Variants in RANBP2 observed in about 807,000 individuals in gnomAD.
The protein encoded by RANBP2 is E3 SUMO-protein ligase RanBP2.
In RANBP2, 57 loss-of-function variants were observed where a neutral mutation model predicts 303.6. The ratio of observed to expected loss-of-function variants is 0.19; its 90% CI spans 0.15 to 0.23. The LOEUF (loss-of-function observed/expected upper bound fraction) is 0.23. Ranked by LOEUF, RANBP2 falls within the 10% of genes least tolerant of loss-of-function variation. The pLI is 1.00. For synonymous variants in RANBP2, 1,167 were observed against 1,301.5 expected (o/e 0.90, Z 2.23); for missense variants, 3,138 against 3,780.8 (o/e 0.83, Z 4.46).
the RANBP2 span, among the ~76,000 whole-genome samples, chr2:109,708,380 G>A: frequency 1.3e-5 from 2 of 151,526 alleles, no homozygotes; most frequent in East Asian, 2.0e-4. Flanking sequence ...AAATAAGGCC[G>A]AGTGTGGTGG....
chr2:109,607,849 T>C, the RANBP2 span, among the ~76,000 whole-genome samples: 1 of 152,162 alleles, frequency 6.6e-6, no homozygotes, highest in African/African-American at 2.4e-5. Context: ...ATTAGGAAAG[T>C]CACCCACTGA....
the RANBP2 span, among the ~76,000 whole-genome samples, chr2:109,576,053 T>C: frequency 2.0e-5 from 3 of 151,768 alleles, no homozygotes; most frequent in African/African-American, 4.8e-5. Flanking sequence ...GGCCAGGAGT[T>C]CAAGAACAGC....
At chr2:109,494,549 T>TA in the RANBP2 span, among the ~76,000 whole-genome samples, 1 of 152,172 alleles carries the variant, frequency 6.6e-6, no homozygotes, top group Admixed American at 6.5e-5. Flanking sequence ...GAGTAAAACT[T>TA]ACTTCCAGGC....
chr2:109,169,433 A>G, the RANBP2 span, among the ~76,000 whole-genome samples: 1 of 152,132 alleles, frequency 6.6e-6, no homozygotes, highest in Admixed American at 6.5e-5. Context: ...AACACAGCTC[A>G]GCTCCCTGTG....
At chr2:109,476,547 G>T in the RANBP2 span, among the ~76,000 whole-genome samples, 1 of 152,218 alleles carries the variant, frequency 6.6e-6, no homozygotes, top group African/African-American at 2.4e-5. Context: ...AAGGCTAAAA[G>T]ATACTGGACT....
the RANBP2 span, among the ~76,000 whole-genome samples, chr2:109,487,604 C>T: frequency 6.6e-6 from 1 of 152,238 alleles, no homozygotes; most frequent in Non-Finnish European, 1.5e-5. Flanking sequence ...CCCACCCTTT[C>T]CAAAGCAGAC....
chr2:108,776,073 T>C, intron 24 of RANBP2, 137 bp downstream of exon 24: 1 of 679,912 alleles, frequency 1.5e-6, no homozygotes, highest in Admixed American at 2.8e-5. Context: ...TTAGTAGTAG[T>C]AGTAATAATA....
the RANBP2 span, among the ~76,000 whole-genome samples, chr2:109,539,993 C>A: frequency 6.6e-6 from 1 of 152,160 alleles, no homozygotes; most frequent in Admixed American, 6.5e-5. Flanking sequence ...AACTTTTAGA[C>A]AGGTCCTGGT....
chr2:109,671,421 C>T, the RANBP2 span, among the ~76,000 whole-genome samples: 36,615 of 151,872 alleles, frequency 0.24, 4,813 homozygotes, highest in Admixed American at 0.31. Flanking sequence ...AGCAGCAAGT[C>T]TGGGGGCTGG....
chr2:109,454,871 C>T, the RANBP2 span, among the ~76,000 whole-genome samples: 1 of 152,074 alleles, frequency 6.6e-6, no homozygotes, highest in African/African-American at 2.4e-5. Flanking sequence ...GGAAAAACTG[C>T]TGCCAGTAAG....
chr2:108,877,446 A>G, the RANBP2 span, among the ~76,000 whole-genome samples: 5 of 152,212 alleles, frequency 3.3e-5, no homozygotes, highest in Non-Finnish European at 7.3e-5. Flanking sequence ...AGCCTGGGCA[A>G]CAAAGTGAGA....
chr2:109,411,570 C>T, the RANBP2 span, among the ~76,000 whole-genome samples: 2 of 152,184 alleles, frequency 1.3e-5, no homozygotes, highest in African/African-American at 4.8e-5. Flanking sequence ...CCATCAGCAT[C>T]GGGAAGCCAC....
At chr2:109,624,315 T>A in the RANBP2 span, among the ~76,000 whole-genome samples, 1 of 152,166 alleles carries the variant, frequency 6.6e-6, no homozygotes, top group Non-Finnish European at 1.5e-5. Context: ...AGCAGGAAGG[T>A]AACATGATGC....
chr2:109,240,646 C>G, the RANBP2 span, among the ~76,000 whole-genome samples: 1 of 152,290 alleles, frequency 6.6e-6, no homozygotes, highest in East Asian at 1.9e-4. Context: ...TCCCCTGCCA[C>G]TGACGGATTA....
the RANBP2 span, among the ~76,000 whole-genome samples, chr2:109,638,508 A>G: frequency 6.6e-6 from 1 of 152,276 alleles, no homozygotes; most frequent in South Asian, 2.1e-4. Context: ...GAGCTGAGCC[A>G]TCTACAAAAA....
At chr2:109,603,042 G>A in the RANBP2 span, among the ~76,000 whole-genome samples, 3 of 151,858 alleles carry the variant, frequency 2.0e-5, no homozygotes, top group Non-Finnish European at 2.9e-5. Flanking sequence ...CTGTACTCCA[G>A]CCTGGGCAAC....
At chr2:108,952,546 T>G in the RANBP2 span, among the ~76,000 whole-genome samples, 1 of 152,250 alleles carries the variant, frequency 6.6e-6, no homozygotes, top group African/African-American at 2.4e-5. Flanking sequence ...TACTTTTCAC[T>G]TCTAGGATTT....
At chr2:109,076,783 T>C in the RANBP2 span, among the ~76,000 whole-genome samples, 1 of 150,568 alleles carries the variant, frequency 6.6e-6, no homozygotes, top group Non-Finnish European at 1.5e-5. Context: ...CTTAATTAAT[T>C]GGAAGAATTA....
the RANBP2 span, among the ~76,000 whole-genome samples, chr2:109,732,056 C>T: frequency 0.024 from 3,713 of 152,108 alleles, 159 homozygotes; most frequent in African/African-American, 0.082. Context: ...CAGGGTTTTG[C>T]CATGTTGCCC....
Sources: allele counts gnomAD v4.1 joint callset (sites outside exome capture counted in the v4.1 genomes callset), GRCh38; gene constraint gnomAD v4.1.1; transcripts MANE v1.5; gene names NCBI Gene and HGNC (gene_info 2026-07-23, HGNC 2026-07-21).